The following NICOL1 variants were observed in gnomAD, a reference collection of about 807,000 sequenced individuals.
NICOL1 encodes NELL2 interacting cell ontogeny regulator 1.
the NICOL1 span, among the ~76,000 whole-genome samples, chr4:2,041,103 TGG>T: frequency 8.1e-6 from 1 of 123,814 alleles, no homozygotes; most frequent in Non-Finnish European, 1.7e-5. Context: ...GCGGGAGGTG[TGG>T]TTAGTCCCTG....
the NICOL1 span, among the ~76,000 whole-genome samples, chr4:2,043,041 A>C: frequency 6.6e-6 from 1 of 151,886 alleles, no homozygotes; most frequent in African/African-American, 2.4e-5. Flanking sequence ...AGCATACTCT[A>C]TTTCTAGCCC....
chr4:2,040,533 C>T, the NICOL1 span, among the ~76,000 whole-genome samples: 1 of 152,228 alleles, frequency 6.6e-6, no homozygotes, highest in Non-Finnish European at 1.5e-5. Context: ...TCCGCGGCCC[C>T]GGCAACAGCG....
chr4:2,041,270 G>A, the NICOL1 span, among the ~76,000 whole-genome samples: 28 of 152,086 alleles, frequency 1.8e-4, no homozygotes, highest in Non-Finnish European at 2.8e-4. Context: ...TCCCTCCCAG[G>A]GCGTCCGGGG....
chr4:2,038,567 G>C, the NICOL1 span, among the ~76,000 whole-genome samples: 1 of 152,016 alleles, frequency 6.6e-6, no homozygotes, highest in Non-Finnish European at 1.5e-5. Context: ...ACAAGCCACT[G>C]TGCCTGGCCT....
chr4:2,037,813 T>A, the NICOL1 span, among the ~76,000 whole-genome samples: 1 of 151,766 alleles, frequency 6.6e-6, no homozygotes, highest in Non-Finnish European at 1.5e-5. Context: ...AACATACATA[T>A]GTTTGTTCTT....
At chr4:2,039,917 A>C in the NICOL1 span, among the ~76,000 whole-genome samples, 1 of 152,176 alleles carries the variant, frequency 6.6e-6, no homozygotes. Flanking sequence ...TTTATGAGAA[A>C]AATTATAAGA....
the NICOL1 span, among the ~76,000 whole-genome samples, chr4:2,038,237 G>GTGTATATATATA: frequency 3.1e-4 from 28 of 91,464 alleles, no homozygotes; most frequent in Non-Finnish European, 3.7e-4. Context: ...TGATCAGTGT[G>GTGTATATATATA]TATATATATA....
the NICOL1 span, chr4:2,041,828 T>G: frequency 1.5e-6 from 1 of 684,656 alleles, no homozygotes; most frequent in South Asian, 2.5e-5. Flanking sequence ...CTAGACTGCA[T>G]CCGCCATGGG....
the NICOL1 span, among the ~76,000 whole-genome samples, chr4:2,043,229 T>TG: frequency 2.0e-5 from 3 of 152,028 alleles, no homozygotes; most frequent in African/African-American, 4.8e-5. Flanking sequence ...GTGTCAGGAA[T>TG]GGGGGGTCAG....
At chr4:2,037,225 T>C in the NICOL1 span, among the ~76,000 whole-genome samples, 3 of 152,200 alleles carry the variant, frequency 2.0e-5, no homozygotes, top group Non-Finnish European at 4.4e-5. Context: ...ATGTATATCC[T>C]GCAGAACTGT....
At chr4:2,037,856 T>C in the NICOL1 span, among the ~76,000 whole-genome samples, 1 of 151,570 alleles carries the variant, frequency 6.6e-6, no homozygotes, top group Admixed American at 6.6e-5. Flanking sequence ...ACTACATATA[T>C]TTAGGTCTAT....
the NICOL1 span, chr4:2,042,027 C>T: frequency 1.4e-6 from 2 of 1,474,672 alleles, no homozygotes; most frequent in African/African-American, 1.5e-5. Context: ...GGAACGTCTG[C>T]CGGTGTCCCC....
chr4:2,041,951 G>A, the NICOL1 span: 238 of 1,452,214 alleles, frequency 1.6e-4, 2 homozygotes, highest in South Asian at 3.0e-3. Context: ...TTTCCATGAC[G>A]ACGACGTCGG....
At chr4:2,042,045 T>G in the NICOL1 span, 1 of 1,476,126 alleles carries the variant, frequency 6.8e-7, no homozygotes, top group Non-Finnish European at 8.9e-7. Context: ...CCCGCGCTGC[T>G]GGTCCCGGGG....
At chr4:2,042,180 G>A in the NICOL1 span, 5 of 1,448,904 alleles carry the variant, frequency 3.5e-6, no homozygotes, top group Non-Finnish European at 4.5e-6. Context: ...CCGGAGGTGG[G>A]GAGGGGGCTC....
chr4:2,041,679 G>T, the NICOL1 span: 1 of 316,096 alleles, frequency 3.2e-6, no homozygotes, highest in Non-Finnish European at 5.8e-6. Flanking sequence ...CCCGCGCCTC[G>T]CGAGCATCGA....
the NICOL1 span, among the ~76,000 whole-genome samples, chr4:2,039,872 T>C: frequency 2.6e-5 from 4 of 152,046 alleles, no homozygotes; most frequent in Non-Finnish European, 5.9e-5. Context: ...TTAATATATA[T>C]AATTCTGTAT....
chr4:2,041,361 G>A, the NICOL1 span, among the ~76,000 whole-genome samples: 3 of 152,222 alleles, frequency 2.0e-5, no homozygotes, highest in South Asian at 6.2e-4. Flanking sequence ...TGAGTTCACG[G>A]GACTGAAATC....
At chr4:2,037,324 C>T in the NICOL1 span, among the ~76,000 whole-genome samples, 1 of 152,180 alleles carries the variant, frequency 6.6e-6, no homozygotes, top group Admixed American at 6.5e-5. Flanking sequence ...CGAACTCCTG[C>T]CTCCAGTGAT....
Sources: allele counts gnomAD v4.1 joint callset (sites outside exome capture counted in the v4.1 genomes callset), GRCh38; gene constraint gnomAD v4.1.1; transcripts MANE v1.5; gene names NCBI Gene and HGNC (gene_info 2026-07-23, HGNC 2026-07-21).